The following UBN2 variants were observed in gnomAD, a reference collection of about 807,000 sequenced individuals.
UBN2 encodes the protein ubinuclein-2.
UBN2 carries 35 observed loss-of-function variants against 120.2 expected under a neutral mutation model. That is an observed-to-expected ratio of 0.29 (90% CI 0.22 to 0.39). The LOEUF (loss-of-function observed/expected upper bound fraction) is 0.39, where lower values mean the gene tolerates loss of function less well. Ranked by LOEUF, UBN2 falls within the 10% of genes least tolerant of loss-of-function variation. The pLI is 1.00. For synonymous variants in UBN2, 661 were observed against 648.7 expected, an observed-to-expected ratio of 1.02 and a Z score of -0.29; for missense variants, 1,693 against 1,663.2, an observed-to-expected ratio of 1.02 and a Z score of -0.31.
intron 1 of UBN2, among the ~76,000 whole-genome samples, chr7:139,236,098 A>G (rs953344126): frequency 1.3e-5 from 2 of 152,164 alleles, no homozygotes; most frequent in African/African-American, 4.8e-5. Flanking sequence ...TTTTTTGTGC[A>G]TTGAAAACCA....
At chr7:139,275,570 G>T (rs1248572548) in intron 11 of UBN2, among the ~76,000 whole-genome samples, 8 of 150,492 alleles carry the variant, frequency 5.3e-5, no homozygotes, top group Non-Finnish European at 8.9e-5. Context: ...GTGACAGAGC[G>T]AGACTCTGTC....
intron 7 of UBN2, among the ~76,000 whole-genome samples, chr7:139,267,549 AGAGAG>A (rs1277288695): frequency 5.9e-5 from 9 of 151,520 alleles, no homozygotes; most frequent in African/African-American, 2.2e-4. Context: ...AAAAAAAAAA[AGAGAG>A]AAAGAGAGAA....
the UBN2 span, among the ~76,000 whole-genome samples, chr7:139,329,185 G>C: frequency 1.4e-5 from 2 of 142,402 alleles, no homozygotes; most frequent in East Asian, 4.1e-4. Context: ...GTGAGCAAAA[G>C]ATTTTTTTTT....
the UBN2 span, among the ~76,000 whole-genome samples, chr7:139,323,595 ATTATTATTT>A: frequency 1.6e-5 from 2 of 124,388 alleles, no homozygotes; most frequent in African/African-American, 6.6e-5. Flanking sequence ...TATTATTATT[ATTATTATTT>A]TTGAGACGGA....
chr7:139,255,318 T>C (rs1252619762), intron 3 of UBN2, among the ~76,000 whole-genome samples: 1 of 152,240 alleles, frequency 6.6e-6, no homozygotes, highest in Non-Finnish European at 1.5e-5. Flanking sequence ...GCATGACTGG[T>C]ATTTTTAAAG....
intron 15 of UBN2, among the ~76,000 whole-genome samples, chr7:139,287,823 C>T (rs1323329879): frequency 6.6e-6 from 1 of 151,806 alleles, no homozygotes; most frequent in Non-Finnish European, 1.5e-5. Context: ...CCTCTAGAAC[C>T]TGTCTATAGC....
chr7:139,325,304 G>C, the UBN2 span, among the ~76,000 whole-genome samples: 1 of 113,178 alleles, frequency 8.8e-6, no homozygotes, highest in African/African-American at 3.5e-5. Flanking sequence ...GTCTTGCTCT[G>C]TCACTCAGGC....
intron 1 of UBN2, among the ~76,000 whole-genome samples, chr7:139,235,793 T>A (rs896281647): frequency 6.6e-6 from 1 of 152,240 alleles, no homozygotes; most frequent in African/African-American, 2.4e-5. Context: ...TAAAGTTAAC[T>A]CCTTTAAAGA....
chr7:139,303,122 A>C lies in UBN2; in HGVS notation c.*5286A>C, dbSNP rs1323584299. The C allele has an allele frequency of 6.6e-6, 1 of 152,242 alleles. No individual in the cohort carries two copies. Among genetic ancestry groups the C allele is most frequent in the South Asian group, 2.1e-4 (1 of 4,832 alleles). 9.4% of individuals were successfully genotyped at this position (152,242 alleles called of 1,614,324 possible). On this transcript the variant is annotated 3_prime_UTR_variant, in exon 18 of 18. Coordinates refer to ENST00000473989, the MANE Select transcript of UBN2 (RefSeq NM_173569.4). ...TATCTGTTAAAAGGTTAATAAACTC[A>C]GAAGTAGAAAGACTTCAGATGCTGA...
chr7:139,252,197 T>A, intron 3 of UBN2, 140 bp downstream of exon 3: 3 of 625,260 alleles, frequency 4.8e-6, no homozygotes, highest in Non-Finnish European at 5.2e-6. Flanking sequence ...TAAAGATTTC[T>A]TTACCCTTTT....
chr7:139,295,995 A>G (rs1041443172), intron 17 of UBN2, among the ~76,000 whole-genome samples: 3 of 152,248 alleles, frequency 2.0e-5, no homozygotes, highest in Admixed American at 6.5e-5. Flanking sequence ...TGAGGATCAG[A>G]CTTGGATTTT....
the UBN2 span, among the ~76,000 whole-genome samples, chr7:139,325,775 A>G: frequency 6.6e-6 from 1 of 152,216 alleles, no homozygotes; most frequent in Non-Finnish European, 1.5e-5. Context: ...CTGTCCCCAC[A>G]GTTTCGCTGG....
At chr7:139,281,634 C>G (rs1797614778) in intron 13 of UBN2, among the ~76,000 whole-genome samples, 2 of 152,160 alleles carry the variant, frequency 1.3e-5, no homozygotes, top group African/African-American at 2.4e-5. Context: ...CAGTATAAAT[C>G]TGCACAGTAT....
chr7:139,244,875 A>G (rs141429226), intron 2 of UBN2, among the ~76,000 whole-genome samples: 1 of 152,188 alleles, frequency 6.6e-6, no homozygotes, highest in East Asian at 1.9e-4. Flanking sequence ...TGTACATAAC[A>G]TTTAGGAAAC....
downstream of UBN2, among the ~76,000 whole-genome samples, chr7:139,313,223 C>T (rs140504992): frequency 1.8e-4 from 28 of 151,974 alleles, no homozygotes; most frequent in African/African-American, 6.5e-4. Context: ...TTCTTTGGGG[C>T]CTATATAGTG....
chr7:139,267,028 C>T lies in UBN2; in HGVS notation c.1466+625C>T, dbSNP rs561343542. Reference sequence around the variant, plus strand: ...CACTCAGAGTTTGATACTAATGAAGCTGTAGGTTCTAAGGTTGTGGTCAAA... The same window carrying T: ...CACTCAGAGTTTGATACTAATGAAGTTGTAGGTTCTAAGGTTGTGGTCAAA... On this transcript the variant is annotated intron_variant, in intron 7 of 17. Coordinates refer to ENST00000473989, the MANE Select transcript of UBN2 (RefSeq NM_173569.4). Among the ~76,000 whole-genome samples, 359 of 152,208 alleles carry T rather than the reference C, an allele frequency of 2.4e-3. 1 individual carries two copies. Among genetic ancestry groups the T allele is most frequent in the Non-Finnish European group, 4.2e-3 (284 of 68,022 alleles).
At chr7:139,280,682 A>G (rs150282072) in intron 13 of UBN2, among the ~76,000 whole-genome samples, 6,592 of 152,142 alleles carry the variant, frequency 0.043, 245 homozygotes, top group African/African-American at 0.093. Flanking sequence ...GTCTCACTCT[A>G]TCACCCAGGC....
intron 15 of UBN2, among the ~76,000 whole-genome samples, chr7:139,284,966 C>T (rs55638443): frequency 0.048 from 7,317 of 152,214 alleles, 301 homozygotes; most frequent in African/African-American, 0.1. Context: ...AACGAACATT[C>T]GCTTAGCTCT....
At chr7:139,310,755 AGAGT>A (rs1798436710), downstream of UBN2, among the ~76,000 whole-genome samples, 1 of 152,236 alleles carries the variant, frequency 6.6e-6, no homozygotes, top group Non-Finnish European at 1.5e-5. Flanking sequence ...CCTGGGCGAC[AGAGT>A]GAGACGCCGT....
Sources: gnomAD v4.1 joint callset for allele counts (sites outside exome capture counted in the v4.1 genomes callset) on GRCh38, gnomAD v4.1.1 for gene constraint, MANE v1.5 for transcripts, NCBI Gene and HGNC (gene_info 2026-07-23, HGNC 2026-07-21) for gene names.